Variants in CC2D1B observed in about 807,000 individuals in gnomAD.
The protein encoded by CC2D1B is coiled-coil and C2 domain-containing protein 1B.
CC2D1B carries 92 observed loss-of-function variants against 110.8 expected under a neutral mutation model. The ratio of observed to expected loss-of-function variants is 0.83; its 90% CI spans 0.70 to 0.99. CC2D1B has a LOEUF of 0.99. Ranked by LOEUF, CC2D1B falls within the 50% of genes least tolerant of loss-of-function variation. The probability of loss-of-function intolerance (pLI) is 0.00; values close to 1 mark genes in which losing one functional copy is unlikely to be tolerated. For synonymous variants in CC2D1B, 406 were observed against 429.2 expected, an observed-to-expected ratio of 0.95 and a Z score of 0.67; for missense variants, 1,136 against 1,089.0, an observed-to-expected ratio of 1.04 and a Z score of -0.61.
At chr1:52,355,360 T>C (rs79146324) in intron 21 of CC2D1B, 38 bp downstream of exon 21, 1 of 1,608,846 alleles carries the variant, frequency 6.2e-7, no homozygotes. Context: ...GCCCACACAC[T>C]CTGAGGGAGG....
rs1381189063 is a variant in CC2D1B at position 52,360,897 on chromosome 1, G to A, written c.477+77C>T. 3.9e-6 allele frequency: 6 copies of A among 1,540,484 alleles called. No individual in the cohort carries two copies. In the Admixed American group the frequency reaches 1.0e-4, roughly 26 times the overall value. On this transcript the variant is annotated intron_variant, in intron 5 of 24. Transcript: ENST00000284376. The stretch of plus-strand genomic sequence containing the variant: ...GAAAGGGTGACTGCAGCCTTGCTGT[G>A]CAGGCCAGGCCACACACGTGTTACG...
In CC2D1B at chr1:52,359,444, A is replaced by T. The variant is rs150301377; in HGVS notation, c.1018+15T>A. The T allele has an allele frequency of 1.9e-6, 3 of 1,613,848 alleles. No individual in the cohort carries two copies. The highest frequency in any genetic ancestry group is 2.5e-6 in the Non-Finnish European group (3 of 1,179,890). The stretch of plus-strand genomic sequence containing the variant: ...CTCCCCAACCCCACCGCAGCCTGAG[A>T]AGATACATACTGACCCTCAGGTGCC... On this transcript the variant is annotated intron_variant, in intron 9 of 24. Transcript: ENST00000284376.
At position 52,357,035 on chromosome 1, in the gene CC2D1B, G is replaced by A. The variant is rs1430008680; in HGVS notation, c.1844C>T (p.Ala615Val). 4 of 1,580,982 alleles carry A rather than the reference G, an allele frequency of 2.5e-6. No homozygotes were observed. In the Admixed American group the frequency reaches 7.4e-5, roughly 29 times the overall value. ...CTCCAGAAGCATTTTTTGCAGCTGG[G>A]CATACACCTCCTCCGCCTTCTGGGA... ...RLSQKAEEVYAQLQKMLLEQQ... is the reference protein window; with the variant it reads ...RLSQKAEEVYVQLQKMLLEQQ... The change falls in exon 16 of 25, where the codon GCC becomes GTC. Residue 615 changes from alanine (A) to valine (V), a missense_variant. By Grantham distance (64) the Ala-to-Val change is moderately conservative (BLOSUM62 0). Coordinates refer to ENST00000284376, the MANE Select transcript of CC2D1B (RefSeq NM_001330585.2).
In CC2D1B at chr1:52,354,600, GC is replaced by G; in HGVS notation, c.2430+7del. On this transcript the variant is annotated splice_region_variant and intron_variant, in intron 23 of 24. Coordinates refer to ENST00000284376, the MANE Select transcript of CC2D1B (RefSeq NM_001330585.2). ...ACCCCTTTGGCTTGCCCACACCCCA[GC>G]CCCTACCTCCACAATTTCTCTGATC... 6.2e-7 allele frequency: 1 copy of G among 1,613,464 alleles called. No homozygotes were observed. Among genetic ancestry groups the G allele is most frequent in the African/African-American group, 1.3e-5 (1 of 75,028 alleles).
At position 52,354,522 on chromosome 1, in the gene CC2D1B, G is replaced by A. The variant is rs201575152; in HGVS notation, c.2430+86C>T. On this transcript the variant is annotated intron_variant, in intron 23 of 24. Transcript: ENST00000284376. ...GAATTTCAAATTAAGTAATGAGCAC[G>A]AAAACCTACAACAAGGTGTGGCATT... The A allele has an allele frequency of 2.0e-4, 226 of 1,119,856 alleles. No homozygotes were observed. The East Asian group carries it at 3.1e-3, about 15-fold the overall frequency. The allele number at this position is 1,119,856 out of a possible 1,614,324, so 69.4% of individuals were successfully genotyped here. A position where few individuals can be genotyped will look rare whatever the true frequency, so the allele number is the denominator to read the frequency against.
intron 1 of CC2D1B, among the ~76,000 whole-genome samples, 175 bp from the exon 2 acceptor site, chr1:52,364,809 G>A (rs878985549): frequency 1.3e-5 from 2 of 152,210 alleles, no homozygotes; most frequent in Admixed American, 6.5e-5. Context: ...GAGGGATGGG[G>A]ATCACCTGTT....
Position 52,362,756 on chromosome 1 carries a change from G to C in CC2D1B, c.70-10C>G. 1 of 1,613,936 alleles carries C rather than the reference G, an allele frequency of 6.2e-7. No individual in the cohort carries two copies. Among genetic ancestry groups the C allele is most frequent in the Non-Finnish European group, 8.5e-7 (1 of 1,179,982 alleles). On this transcript the variant is annotated splice_polypyrimidine_tract_variant and intron_variant, in intron 2 of 24. Coordinates refer to ENST00000284376, the MANE Select transcript of CC2D1B (RefSeq NM_001330585.2). The stretch of plus-strand genomic sequence containing the variant: ...CCATAAAGAGCCCCATCTGAGAGCA[G>C]AGCAGGACTCTTAGGAACCACACAA...
chr1:52,351,087 T>G lies in CC2D1B; in HGVS notation c.*2138A>C, dbSNP rs1646524250. Reference sequence around the variant, plus strand: ...GATAAATCTCAGGACAAGATGAAGCTGGGACAGGCTCCTCCTACTACCAGT... The same window carrying G: ...GATAAATCTCAGGACAAGATGAAGCGGGGACAGGCTCCTCCTACTACCAGT... On this transcript the variant is annotated 3_prime_UTR_variant, in exon 25 of 25. Coordinates refer to ENST00000284376, the MANE Select transcript of CC2D1B (RefSeq NM_001330585.2). 2 of 152,208 alleles carry G rather than the reference T, an allele frequency of 1.3e-5. No individual in the cohort carries two copies. The highest frequency in any genetic ancestry group is 2.9e-5 in the Non-Finnish European group (2 of 68,036). The allele number at this position is 152,208 out of a possible 1,614,324, so 9.4% of individuals were successfully genotyped here. A position where few individuals can be genotyped will look rare whatever the true frequency, so the allele number is the denominator to read the frequency against.
At chr1:52,358,818 A>G (rs1646712112) in intron 11 of CC2D1B, 60 bp from the exon 12 acceptor site, 11 of 1,529,868 alleles carry the variant, frequency 7.2e-6, no homozygotes, top group Admixed American at 4.3e-5. Flanking sequence ...CCCCTGCCCA[A>G]CATGACACAC....
rs13376401 is a variant in CC2D1B, at chr1:52,364,552, C to T, written c.69G>A (p.Gln23=). The T allele has an allele frequency of 1.9e-3, 3,065 of 1,599,806 alleles. 42 individuals are homozygous for T. The African/African-American group carries it at 0.034, about 18-fold the overall frequency. ...TAGCCTAGAAGGCTAAGTTCCATAC[C>T]TGCTTGGCAGCGGCCACCCCTTGGC... ...ARGQGVAAAK[Q]MGLFMEFGPE... Residue 23 remains glutamine (Q), a splice_region_variant and synonymous_variant, in exon 2 of 25, where the codon CAG becomes CAA. Coordinates refer to ENST00000284376, the MANE Select transcript of CC2D1B (RefSeq NM_001330585.2).
rs748719065 is a variant in CC2D1B at position 52,355,814 on chromosome 1, C to G, written c.2085G>C (p.Met695Ile). The change falls in exon 19 of 25, where the codon ATG (methionine) becomes ATC (isoleucine). Residue 695 changes from methionine to isoleucine, a missense_variant. Coordinates refer to ENST00000284376, the MANE Select transcript of CC2D1B (RefSeq NM_001330585.2). ...TCATTCCCCGGACAATGATCAGATG[C>G]ATTTCTGTGCTGTTGAGTTCTGAGA... ...RIFSELNSTE[M>I]HLIIVRGMNL... 11 of 1,614,016 alleles carry G rather than the reference C, an allele frequency of 6.8e-6. No individual in the cohort carries two copies. In the East Asian group the frequency reaches 2.5e-4, roughly 36 times the overall value.
Position 52,353,637 on chromosome 1 carries a change from C to A in CC2D1B, c.2441G>T (p.Gly814Val). ...CAGCTTCCCCCCGGTGGGCTTCCTT[C>A]CATCCAGGACCTGTGAGGACCACAG... ...EIREIVEVLD[G>V]RKPTGGKLEV... Residue 814 changes from glycine to valine, a missense_variant, in exon 24 of 25, where the codon GGA (glycine) becomes GTA (valine). Transcript: ENST00000284376. The A allele has an allele frequency of 6.2e-7, 1 of 1,602,514 alleles. No individual in the cohort carries two copies. The highest frequency in any genetic ancestry group is 8.5e-7 in the Non-Finnish European group (1 of 1,174,252).
intron 5 of CC2D1B, 76 bp downstream of exon 5, chr1:52,360,898 C>A: frequency 6.5e-7 from 1 of 1,540,460 alleles, no homozygotes; most frequent in East Asian, 2.3e-5. Context: ...CCTTGCTGTG[C>A]AGGCCAGGCC....
chr1:52,356,480 G>A (rs1197169287), intron 16 of CC2D1B, 38 bp from the exon 17 acceptor site: 8 of 1,610,720 alleles, frequency 5.0e-6, no homozygotes, highest in African/African-American at 1.3e-5. Context: ...CGAGCCCAGA[G>A]CAGGACCTGC....
intron 3 of CC2D1B, among the ~76,000 whole-genome samples, chr1:52,362,289 G>A (rs557047970): frequency 6.6e-6 from 1 of 152,218 alleles, no homozygotes; most frequent in Non-Finnish European, 1.5e-5. Context: ...CAATTTCTAT[G>A]TACTTCCTAT....
Position 52,359,340 on chromosome 1 carries a change from C to A in CC2D1B, c.1036G>T (p.Ala346Ser), listed in dbSNP as rs112003280. The A allele has an allele frequency of 1.9e-5, 31 of 1,613,406 alleles. No homozygotes were observed. The highest frequency in any genetic ancestry group is 3.3e-4 in the Middle Eastern group (2 of 6,062). Residue 346 changes from alanine to serine, a missense_variant, in exon 10 of 25, where the codon GCT (alanine) becomes TCT (serine). Coordinates refer to ENST00000284376, the MANE Select transcript of CC2D1B (RefSeq NM_001330585.2). ...PAPEDLKPQQ[A>S]SQAPTAPSVI... is the part of the protein sequence containing the mutation. ...GAGGGTGCTGTGGGAGCCTGAGAAG[C>A]CTGCTGGGGCTTCAGATCTGGGGGA...
chr1:52,361,485 C>G, intron 4 of CC2D1B, 28 bp downstream of exon 4: 1 of 1,613,260 alleles, frequency 6.2e-7, no homozygotes, highest in East Asian at 2.2e-5. Flanking sequence ...TGCCTCAGAG[C>G]CCTGGGATAC....
chr1:52,356,821 C>G (rs1646663256), intron 16 of CC2D1B, 180 bp downstream of exon 16: 2 of 677,764 alleles, frequency 3.0e-6, no homozygotes, highest in Non-Finnish European at 4.9e-6. Context: ...GTATTATCAC[C>G]CCATCTCATA....
chr1:52,365,700 A>G (rs1569880132), intron 1 of CC2D1B, among the ~76,000 whole-genome samples: 1 of 152,206 alleles, frequency 6.6e-6, no homozygotes, highest in Non-Finnish European at 1.5e-5. Context: ...GGGGAGGTGC[A>G]CAGAAGGTAG....
Sources: allele counts gnomAD v4.1 joint callset (sites outside exome capture counted in the v4.1 genomes callset), GRCh38; gene constraint gnomAD v4.1.1; transcripts MANE v1.5; gene names NCBI Gene and HGNC (gene_info 2026-07-23, HGNC 2026-07-21).